Variants in RIC8B observed in about 807,000 individuals in gnomAD.
RIC8B encodes RIC8 guanine nucleotide exchange factor B.
A neutral mutation model predicts 57.5 loss-of-function variants in RIC8B; 16 were observed. The ratio of observed to expected loss-of-function variants is 0.28; its 90% CI spans 0.19 to 0.42. RIC8B has a LOEUF of 0.42. RIC8B is among the 10% of genes least tolerant of loss of function. RIC8B has a pLI of 1.00. For synonymous variants in RIC8B, 216 were observed against 250.8 expected, an observed-to-expected ratio of 0.86 and a Z score of 1.31; for missense variants, 481 against 677.0, an observed-to-expected ratio of 0.71 and a Z score of 3.21.
intron 9 of RIC8B, among the ~76,000 whole-genome samples, chr12:106,872,710 T>C (rs932573976): frequency 6.8e-6 from 1 of 147,888 alleles, no homozygotes; most frequent in African/African-American, 2.5e-5. Flanking sequence ...GTCCATCTGG[T>C]AGAAACTGGA....
At chr12:106,883,241 G>A (rs867361923) in intron 9 of RIC8B, among the ~76,000 whole-genome samples, 52 of 152,062 alleles carry the variant, frequency 3.4e-4, no homozygotes, top group Admixed American at 3.4e-3. Flanking sequence ...CAGACCCTCA[G>A]TGTTTCATTC....
At chr12:106,871,122 T>G (rs1038251316) in intron 9 of RIC8B, 180 bp downstream of exon 9, 1 of 473,294 alleles carries the variant, frequency 2.1e-6, no homozygotes, top group Admixed American at 3.6e-5. Context: ...CATGTGCCGC[T>G]TCTGGATGTG....
intron 7 of RIC8B, among the ~76,000 whole-genome samples, chr12:106,853,060 G>C (rs563883911): frequency 6.6e-6 from 1 of 152,250 alleles, no homozygotes; most frequent in African/African-American, 2.4e-5. Context: ...TGAGTAATAA[G>C]AGAACTGGTG....
rs570136881 is a variant in RIC8B, at chr12:106,843,646, C to T, written c.1066-206C>T. Among the ~76,000 whole-genome samples, 11 of 143,742 alleles carry T rather than the reference C, an allele frequency of 7.7e-5. No individual in the cohort carries two copies. The East Asian group carries it at 8.8e-4, about 11-fold the overall frequency. The allele number at this position is 143,742 out of a possible 152,430, so 94.3% of individuals were successfully genotyped here. ...CTGAGGCAGGAGAATGGCGTGAACCCGGGAGGTGGAGCTTGCAGTGAGCCG... is the reference window on the plus strand; with the variant it reads ...CTGAGGCAGGAGAATGGCGTGAACCTGGGAGGTGGAGCTTGCAGTGAGCCG... On this transcript the variant is annotated intron_variant, in intron 5 of 9. Coordinates refer to ENST00000392837, the MANE Select transcript of RIC8B (RefSeq NM_001330145.2).
rs1193637614 is a variant in RIC8B, at chr12:106,774,828, A to T, written c.83A>T (p.Lys28Met). The change falls in exon 1 of 10, where the codon AAG (lysine) becomes ATG (methionine). Residue 28 changes from lysine to methionine, a missense_variant and splice_region_variant. Coordinates refer to ENST00000392837, the MANE Select transcript of RIC8B (RefSeq NM_001330145.2). The part of the protein sequence containing the change: ...IERVLRDYSD[K>M]HRATFKFEST... ...CGGGTCCTGAGGGATTACAGCGACA[A>T]GGTAAAGAGTCCTGGCCCCGGGCGT... 4.5e-6 allele frequency: 7 copies of T among 1,552,342 alleles called. No homozygotes were observed. Among genetic ancestry groups the T allele is most frequent in the Non-Finnish European group, 6.1e-6 (7 of 1,147,140 alleles).
rs780378293 is a variant in RIC8B, at chr12:106,774,709, C to A, written c.-37C>A. On this transcript the variant is annotated 5_prime_UTR_variant, in exon 1 of 10. Coordinates refer to ENST00000392837, the MANE Select transcript of RIC8B (RefSeq NM_001330145.2). The stretch of plus-strand genomic sequence containing the variant: ...GTTTACCTGGAGGCAGCGGCTTGGG[C>A]GCGCAGAGCGGCCGCGGCTCCCCCG... The A allele has an allele frequency of 2.0e-6, 3 of 1,510,048 alleles. No individual in the cohort carries two copies. The highest frequency in any genetic ancestry group is 1.3e-5 in the South Asian group (1 of 79,906). The allele number at this position is 1,510,048 out of a possible 1,614,324, so 93.5% of individuals were successfully genotyped here.
chr12:106,869,384 C>T (rs968606919), intron 8 of RIC8B, among the ~76,000 whole-genome samples: 5 of 151,906 alleles, frequency 3.3e-5, no homozygotes, highest in East Asian at 1.9e-4. Context: ...GTCTCAAAGA[C>T]GGGTTGCAAG....
At chr12:106,848,837 CA>C (rs1949328470) in intron 6 of RIC8B, among the ~76,000 whole-genome samples, 1 of 151,938 alleles carries the variant, frequency 6.6e-6, no homozygotes, top group African/African-American at 2.4e-5. Flanking sequence ...TAGTGGTTAC[CA>C]GGGGCTGTGG....
intron 4 of RIC8B, among the ~76,000 whole-genome samples, chr12:106,837,639 GTTTTT>G (rs375634080): frequency 8.7e-6 from 1 of 115,330 alleles, no homozygotes; most frequent in African/African-American, 3.4e-5. Context: ...AAAATCTTTT[GTTTTT>G]TTTTTTTTTT....
intron 8 of RIC8B, among the ~76,000 whole-genome samples, chr12:106,869,962 AC>A (rs1436995622): frequency 3.3e-5 from 5 of 152,048 alleles, no homozygotes; most frequent in Non-Finnish European, 5.9e-5. Flanking sequence ...AAACAAAAAA[AC>A]AGTATGTACT....
At chr12:106,824,739 T>C (rs531199763) in intron 3 of RIC8B, among the ~76,000 whole-genome samples, 11 of 150,694 alleles carry the variant, frequency 7.3e-5, no homozygotes, top group African/African-American at 2.4e-4. Context: ...CTACTAAAAA[T>C]ACAAAAAGAA....
intron 2 of RIC8B, among the ~76,000 whole-genome samples, chr12:106,808,196 G>C (rs1230370207): frequency 6.6e-6 from 1 of 152,018 alleles, no homozygotes; most frequent in Non-Finnish European, 1.5e-5. Context: ...ATGTTGTATT[G>C]GGTATTATAA....
intron 2 of RIC8B, among the ~76,000 whole-genome samples, chr12:106,813,013 TACTC>T (rs2045404869): frequency 6.6e-6 from 1 of 151,974 alleles, no homozygotes; most frequent in African/African-American, 2.4e-5. Flanking sequence ...AGGTTGAAAA[TACTC>T]AAGGAAAAAA....
At chr12:106,783,403 T>C (rs2043853708) in intron 1 of RIC8B, among the ~76,000 whole-genome samples, 1 of 152,232 alleles carries the variant, frequency 6.6e-6, no homozygotes, top group African/African-American at 2.4e-5. Flanking sequence ...CTTATTCTTA[T>C]TGAATTACTT....
At chr12:106,801,007 C>A (rs1376777068) in intron 2 of RIC8B, among the ~76,000 whole-genome samples, 1 of 152,184 alleles carries the variant, frequency 6.6e-6, no homozygotes, top group African/African-American at 2.4e-5. Flanking sequence ...ATTGTTCTCT[C>A]ATTTGGTAAA....
chr12:106,818,649 A>G (rs969760459), intron 3 of RIC8B, among the ~76,000 whole-genome samples: 5 of 152,218 alleles, frequency 3.3e-5, no homozygotes, highest in African/African-American at 4.8e-5. Flanking sequence ...GGGTCTTGCT[A>G]TGTTGTTCAG....
At chr12:106,868,353 T>A (rs778202073) in intron 8 of RIC8B, 1 of 456,772 alleles carries the variant, frequency 2.2e-6, no homozygotes, top group Non-Finnish European at 4.4e-6. Context: ...ATAAGCATGA[T>A]CTACATAGTT....
At chr12:106,784,733 G>A (rs1359463112) in intron 2 of RIC8B, among the ~76,000 whole-genome samples, 2 of 152,196 alleles carry the variant, frequency 1.3e-5, no homozygotes, top group Non-Finnish European at 2.9e-5. Context: ...AAACAAGAGA[G>A]TATGACTGAA....
chr12:106,804,631 C>A (rs968014855), intron 2 of RIC8B, among the ~76,000 whole-genome samples: 4 of 152,250 alleles, frequency 2.6e-5, no homozygotes, highest in Non-Finnish European at 4.4e-5. Flanking sequence ...TATTCTATAG[C>A]ACACAGTGCT....
Sources: allele counts gnomAD v4.1 joint callset (sites outside exome capture counted in the v4.1 genomes callset), GRCh38; gene constraint gnomAD v4.1.1; transcripts MANE v1.5; gene names NCBI Gene and HGNC (gene_info 2026-07-23, HGNC 2026-07-21).